KALRN: variants seen among roughly 807,000 people sequenced by gnomAD.
The protein encoded by KALRN is kalirin RhoGEF kinase.
In KALRN, 70 loss-of-function variants were observed where a neutral mutation model predicts 353.7. The ratio of observed to expected loss-of-function variants is 0.20; its 90% CI spans 0.16 to 0.24. The LOEUF (loss-of-function observed/expected upper bound fraction) is 0.24. Among genes scored for constraint, KALRN ranks in the 10% least tolerant of loss-of-function variants. The probability of loss-of-function intolerance (pLI) is 1.00; values close to 1 mark genes in which losing one functional copy is unlikely to be tolerated. For synonymous variants in KALRN, 1,391 were observed against 1,434.8 expected (o/e 0.97, Z 0.69); for missense variants, 2,791 against 3,756.7 (o/e 0.74, Z 6.72).
chr3:124,438,196 A>G lies in KALRN; in HGVS notation c.3049-692A>G, dbSNP rs946548266. On this transcript the variant is annotated intron_variant, in intron 17 of 59. Transcript: ENST00000682506. ...TGAATTTCCCTCCAAACTCCCTTCAAAATGCTTTTGCTCTCTTCTGAGTTC... is the reference window on the plus strand; with the variant it reads ...TGAATTTCCCTCCAAACTCCCTTCAGAATGCTTTTGCTCTCTTCTGAGTTC... Among the ~76,000 whole-genome samples the G allele has an allele frequency of 7.9e-5, 12 of 152,218 alleles. No individual in the cohort carries two copies. The East Asian group carries it at 1.3e-3, about 17-fold the overall frequency.
chr3:124,416,320 G>A (rs964537982), intron 14 of KALRN, among the ~76,000 whole-genome samples: 2 of 152,236 alleles, frequency 1.3e-5, no homozygotes, highest in African/African-American at 4.8e-5. Flanking sequence ...AAGTCCCTGA[G>A]GACTGCTTAT....
chr3:124,624,961 C>T (rs67769955), intron 34 of KALRN, among the ~76,000 whole-genome samples: 2,792 of 152,144 alleles, frequency 0.018, 51 homozygotes, highest in East Asian at 0.083. Flanking sequence ...AAACTTTTGA[C>T]GCTTAACATA....
intron 31 of KALRN, among the ~76,000 whole-genome samples, 193 bp from the exon 32 acceptor site, chr3:124,492,547 C>T (rs1323344973): frequency 1.3e-5 from 2 of 152,094 alleles, no homozygotes; most frequent in Non-Finnish European, 2.9e-5. Flanking sequence ...ATCTTGAGGT[C>T]GGAGCACTGT....
At chr3:124,717,615 G>T (rs1480268559) in intron 59 of KALRN, among the ~76,000 whole-genome samples, 2 of 151,832 alleles carry the variant, frequency 1.3e-5, no homozygotes, top group Non-Finnish European at 2.9e-5. Flanking sequence ...AGAATGGCAT[G>T]AACCTGGGAG....
intron 33 of KALRN, among the ~76,000 whole-genome samples, chr3:124,547,903 G>A (rs1260630449): frequency 6.6e-6 from 1 of 152,052 alleles, no homozygotes; most frequent in Non-Finnish European, 1.5e-5. Flanking sequence ...CTCCCTGTTT[G>A]CTAAAATGGG....
intron 15 of KALRN, among the ~76,000 whole-genome samples, chr3:124,423,288 G>T (rs1366080988): frequency 1.3e-5 from 2 of 152,184 alleles, no homozygotes; most frequent in Non-Finnish European, 2.9e-5. Context: ...CTGTCAAGCA[G>T]TCCATGGGAA....
intron 10 of KALRN, among the ~76,000 whole-genome samples, chr3:124,361,074 T>G (rs1272172545): frequency 1.3e-5 from 2 of 152,206 alleles, no homozygotes; most frequent in Non-Finnish European, 2.9e-5. Flanking sequence ...ATAGATTTAC[T>G]GTTAATATTT....
At chr3:124,264,765 T>G in intron 4 of KALRN, 75 bp downstream of exon 4, 1 of 1,284,862 alleles carries the variant, frequency 7.8e-7, no homozygotes, top group South Asian at 1.3e-5. Flanking sequence ...CACGTCCTCT[T>G]CTCTATCTAC....
At position 124,667,001 on chromosome 3, in the gene KALRN, T is replaced by C; in HGVS notation, c.6532-11T>C. 2 of 1,586,808 alleles carry C rather than the reference T, an allele frequency of 1.3e-6. No homozygotes were observed. Among genetic ancestry groups the C allele is most frequent in the Non-Finnish European group, 1.7e-6 (2 of 1,161,946 alleles). ...TTTAAATGTAAAAAGGATCAACTCG[T>C]TTTCTTCCAGATGAATTACTTGGTC... On this transcript the variant is annotated splice_polypyrimidine_tract_variant and intron_variant, in intron 46 of 59. Transcript: ENST00000682506.
chr3:124,696,874 C>T (rs1383673138), intron 54 of KALRN, among the ~76,000 whole-genome samples: 1 of 152,200 alleles, frequency 6.6e-6, no homozygotes, highest in African/African-American at 2.4e-5. Flanking sequence ...CCCAGTGCTT[C>T]TTGGCCACCA....
In KALRN at chr3:124,234,917, C is replaced by T. The variant is rs139107123; in HGVS notation, c.237C>T (p.Leu79=). The T allele has an allele frequency of 7.3e-5, 117 of 1,605,956 alleles. 1 individual carries two copies. Among genetic ancestry groups the T allele is most frequent in the South Asian group, 1.2e-4 (11 of 89,464 alleles). ...DRIRQEDLRK[L]VTYLASVPSE... ...TAAGACAGGAAGACCTGCGGAAACTCGTGACGTATTTGGCCAGCGTGCCAA... is the reference window on the plus strand; with the variant it reads ...TAAGACAGGAAGACCTGCGGAAACTTGTGACGTATTTGGCCAGCGTGCCAA... The change falls in exon 3 of 60, where the codon CTC becomes CTT. Residue 79 remains leucine, a synonymous_variant. Coordinates refer to ENST00000682506, the MANE Select transcript of KALRN (RefSeq NM_001388419.1).
At chr3:124,109,921 T>C (rs13060213) in intron 1 of KALRN, among the ~76,000 whole-genome samples, 17 of 11,812 alleles carry the variant, frequency 1.4e-3, no homozygotes, top group Non-Finnish European at 6.5e-3. Flanking sequence ...TTGATATATA[T>C]ATGACATATA....
chr3:124,040,849 G>A (rs1026427173), intron 1 of KALRN, among the ~76,000 whole-genome samples: 1 of 152,176 alleles, frequency 6.6e-6, no homozygotes, highest in African/African-American at 2.4e-5. Context: ...GATGGACAGA[G>A]GCTGAAGGTC....
intron 21 of KALRN, among the ~76,000 whole-genome samples, chr3:124,449,889 A>G (rs1018565939): frequency 2.6e-5 from 4 of 152,216 alleles, no homozygotes; most frequent in African/African-American, 9.6e-5. Context: ...TTGTCCTATT[A>G]TTGCTAAATA....
intron 3 of KALRN, among the ~76,000 whole-genome samples, chr3:124,239,229 A>G (rs1372472637): frequency 1.3e-5 from 2 of 152,234 alleles, no homozygotes; most frequent in Non-Finnish European, 2.9e-5. Context: ...GCCTGAGAGT[A>G]AACAACTGTC....
intron 1 of KALRN, among the ~76,000 whole-genome samples, chr3:124,045,221 C>A (rs183712934): frequency 6.6e-6 from 1 of 152,132 alleles, no homozygotes; most frequent in Admixed American, 6.5e-5. Context: ...ATTCTTGTGT[C>A]TGACTACTTA....
intron 1 of KALRN, among the ~76,000 whole-genome samples, chr3:124,120,594 A>T (rs1421534813): frequency 6.6e-6 from 1 of 151,912 alleles, no homozygotes; most frequent in African/African-American, 2.4e-5. Flanking sequence ...TTAACTAAGT[A>T]TGTACTGAGA....
Position 124,490,603 on chromosome 3 carries a change from A to G in KALRN, c.4397-91A>G, listed in dbSNP as rs965954131. ...CTTCAGTAACTGAAGACTAACAATA[A>G]GAGAGGCCTTTCTCCAAGAGGGGGG... On this transcript the variant is annotated intron_variant, in intron 29 of 59. Transcript: ENST00000682506. The G allele has an allele frequency of 1.1e-4, 132 of 1,202,156 alleles. No homozygotes were observed. The African/African-American group carries it at 1.7e-3, about 15-fold the overall frequency. The allele number at this position is 1,202,156 out of a possible 1,614,324, so 74.5% of individuals were successfully genotyped here. A position where few individuals can be genotyped will look rare whatever the true frequency, so the allele number is the denominator to read the frequency against.
At chr3:124,481,411 TGCCCCG>T (rs749552040) in intron 27 of KALRN, among the ~76,000 whole-genome samples, 1 of 152,194 alleles carries the variant, frequency 6.6e-6, no homozygotes, top group East Asian at 1.9e-4. Context: ...CTGGCCATGT[TGCCCCG>T]GCTGGTCTTG....
Sources: gnomAD v4.1 joint callset for allele counts (sites outside exome capture counted in the v4.1 genomes callset) on GRCh38, gnomAD v4.1.1 for gene constraint, MANE v1.5 for transcripts, NCBI Gene and HGNC (gene_info 2026-07-23, HGNC 2026-07-21) for gene names.